The following C5orf52 variants were observed in gnomAD, a reference collection of about 807,000 sequenced individuals.
C5orf52 encodes the protein uncharacterized protein C5orf52.
C5orf52 carries 15 observed loss-of-function variants against 16.8 expected under a neutral mutation model. The observed-to-expected ratio is 0.89, with a 90% CI of 0.60 to 1.38. The LOEUF (loss-of-function observed/expected upper bound fraction) is 1.38, where lower values mean the gene tolerates loss of function less well. C5orf52 is among the 40% of genes most tolerant of loss of function. The pLI, the probability that C5orf52 is intolerant of heterozygous loss-of-function variation, is 0.00. For synonymous variants in C5orf52, 83 were observed against 87.2 expected (o/e 0.95, Z 0.27); for missense variants, 206 against 213.1 (o/e 0.97, Z 0.21).
rs541586993 is a variant in C5orf52 at position 157,679,932 on chromosome 5, G to T, written c.413G>T (p.Gly138Val). The T allele has an allele frequency of 3.9e-6, 6 of 1,551,730 alleles. No homozygotes were observed. Among genetic ancestry groups the T allele is most frequent in the Non-Finnish European group, 5.2e-6 (6 of 1,147,004 alleles). Residue 138 changes from glycine (G) to valine (V), a missense_variant, in exon 3 of 3, where the codon GGG becomes GTG. By Grantham distance (109) the Gly-to-Val change is moderately radical (BLOSUM62 -3). Coordinates refer to ENST00000409999, the MANE Select transcript of C5orf52 (RefSeq NM_001145132.2). Reference sequence around the variant, plus strand: ...ATGACAGAGCAGCTCAGAAAGCTCGGGCGATGGAGAGAGGAATCCGTGAAC... The same window carrying T: ...ATGACAGAGCAGCTCAGAAAGCTCGTGCGATGGAGAGAGGAATCCGTGAAC... ...KFMTEQLRKL[G>V]RWREESVNSN...
intron 2 of C5orf52, among the ~76,000 whole-genome samples, chr5:157,678,039 G>A (rs998236552): frequency 6.6e-6 from 1 of 152,130 alleles, no homozygotes; most frequent in Admixed American, 6.6e-5. Flanking sequence ...CTTGGTAATG[G>A]GGCTGGATCA....
chr5:157,676,327 A>C (rs909108447), intron 2 of C5orf52, among the ~76,000 whole-genome samples: 5 of 151,732 alleles, frequency 3.3e-5, no homozygotes, highest in African/African-American at 9.7e-5. Context: ...CCCACCTCAG[A>C]CTCCCAAAGT....
intron 1 of C5orf52, among the ~76,000 whole-genome samples, chr5:157,672,346 C>G (rs1759812606): frequency 6.6e-6 from 1 of 152,164 alleles, no homozygotes. Flanking sequence ...ACAAACCCCC[C>G]TCACTGCATC....
intron 2 of C5orf52, among the ~76,000 whole-genome samples, chr5:157,678,545 C>T (rs1441467713): frequency 6.6e-6 from 1 of 152,192 alleles, no homozygotes. Context: ...CAACCTCTGC[C>T]TCCTGGGTTC....
intron 2 of C5orf52, among the ~76,000 whole-genome samples, chr5:157,676,793 G>A (rs1759901330): frequency 1.3e-5 from 2 of 152,036 alleles, no homozygotes; most frequent in African/African-American, 4.8e-5. Context: ...AGTAGCCAGG[G>A]GCTGTACTAC....
intron 2 of C5orf52, among the ~76,000 whole-genome samples, chr5:157,679,605 G>A (rs1362364619): frequency 6.6e-6 from 1 of 152,168 alleles, no homozygotes; most frequent in African/African-American, 2.4e-5. Flanking sequence ...CCAGAGTGTT[G>A]GGATTACAGG....
intron 2 of C5orf52, among the ~76,000 whole-genome samples, chr5:157,679,318 A>G (rs1294409656): frequency 6.6e-6 from 1 of 152,036 alleles, no homozygotes; most frequent in Admixed American, 6.6e-5. Context: ...GACAGGACAG[A>G]AGTTATACAA....
Position 157,673,285 on chromosome 5 carries a change from G to A in C5orf52, c.212+1459G>A, listed in dbSNP as rs1440272506. On this transcript the variant is annotated intron_variant, in intron 1 of 2. Coordinates refer to ENST00000409999, the MANE Select transcript of C5orf52 (RefSeq NM_001145132.2). Reference sequence around the variant, plus strand: ...CTGGGAGGCTGAGGTTGCATTGAGCGGAGATTGCGCCACTGCACTCCAACA... The same window carrying A: ...CTGGGAGGCTGAGGTTGCATTGAGCAGAGATTGCGCCACTGCACTCCAACA... Among the ~76,000 whole-genome samples, 10 of 151,952 alleles carry A rather than the reference G, an allele frequency of 6.6e-5. No individual in the cohort carries two copies. In the Middle Eastern group the frequency reaches 0.01, roughly 155 times the overall value.
chr5:157,678,575 G>A (rs796074242), intron 2 of C5orf52, among the ~76,000 whole-genome samples: 22 of 152,284 alleles, frequency 1.4e-4, no homozygotes, highest in African/African-American at 5.3e-4. Context: ...TTGTGCCTTA[G>A]CCTCCTGAGT....
intron 1 of C5orf52, among the ~76,000 whole-genome samples, chr5:157,674,456 G>C (rs1266318784): frequency 6.6e-6 from 1 of 152,136 alleles, no homozygotes; most frequent in African/African-American, 2.4e-5. Context: ...TCATCCTTAA[G>C]AAGGATCATC....
chr5:157,675,842 C>T (rs1238770327), intron 2 of C5orf52, among the ~76,000 whole-genome samples: 2 of 152,162 alleles, frequency 1.3e-5, no homozygotes, highest in African/African-American at 2.4e-5. Context: ...AGGCTCTTCT[C>T]CCACTTTTTG....
chr5:157,678,948 C>T (rs1383914013), intron 2 of C5orf52, among the ~76,000 whole-genome samples: 2 of 151,854 alleles, frequency 1.3e-5, no homozygotes, highest in Non-Finnish European at 1.5e-5. Context: ...TCCTGGCTAA[C>T]ATGGTGAAAC....
chr5:157,678,275 A>T (rs760745600), intron 2 of C5orf52, among the ~76,000 whole-genome samples: 1 of 152,174 alleles, frequency 6.6e-6, no homozygotes, highest in Non-Finnish European at 1.5e-5. Flanking sequence ...TTTATGAAGA[A>T]GTCCTTTGCT....
chr5:157,678,614 A>AC (rs537277090), intron 2 of C5orf52, among the ~76,000 whole-genome samples: 74 of 151,856 alleles, frequency 4.9e-4, no homozygotes, highest in African/African-American at 1.7e-3. Flanking sequence ...ATGCCACCAC[A>AC]CCCAGCTAGG....
intron 1 of C5orf52, among the ~76,000 whole-genome samples, chr5:157,674,031 G>A (rs1347217031): frequency 6.6e-6 from 1 of 152,092 alleles, no homozygotes; most frequent in Non-Finnish European, 1.5e-5. Context: ...TTATCAAAAA[G>A]TGAAAACTCA....
intron 2 of C5orf52, 35 bp downstream of exon 2, chr5:157,675,235 T>G (rs775509616): frequency 9.6e-5 from 121 of 1,262,066 alleles, no homozygotes; most frequent in Non-Finnish European, 1.2e-4. Flanking sequence ...TTAGAGGGTG[T>G]TAGTGGCTTG....
At chr5:157,673,273 G>T (rs567416418) in intron 1 of C5orf52, among the ~76,000 whole-genome samples, 93 of 152,146 alleles carry the variant, frequency 6.1e-4, no homozygotes, top group Non-Finnish European at 1.1e-3. Context: ...GGAGGCTGAG[G>T]TTGCATTGAG....
chr5:157,677,285 G>A (rs1235416825), intron 2 of C5orf52, among the ~76,000 whole-genome samples: 1 of 152,174 alleles, frequency 6.6e-6, no homozygotes, highest in African/African-American at 2.4e-5. Flanking sequence ...GTAGTGTCAA[G>A]GTTGAGAAAC....
At chr5:157,675,885 G>A (rs1468772240) in intron 2 of C5orf52, among the ~76,000 whole-genome samples, 5 of 152,098 alleles carry the variant, frequency 3.3e-5, no homozygotes, top group Middle Eastern at 3.4e-3. Flanking sequence ...CTGCTTACTC[G>A]AAATCCTGAG....
Sources: allele counts gnomAD v4.1 joint callset (sites outside exome capture counted in the v4.1 genomes callset), GRCh38; gene constraint gnomAD v4.1.1; transcripts MANE v1.5; gene names NCBI Gene and HGNC (gene_info 2026-07-23, HGNC 2026-07-21).